Variants in MACROD2 observed in about 807,000 individuals in gnomAD.
MACROD2 encodes ADP-ribose glycohydrolase MACROD2.
MACROD2 carries 36 observed loss-of-function variants against 70.4 expected under a neutral mutation model. The observed-to-expected ratio is 0.51, with a 90% confidence interval of 0.39 to 0.68. MACROD2 has a LOEUF of 0.68. Ranked by LOEUF, MACROD2 falls within the 30% of genes least tolerant of loss-of-function variation. MACROD2 has a pLI of 0.00. For missense variants in MACROD2, 496 were observed against 538.4 expected (o/e 0.92, Z 0.78); for synonymous variants, 172 against 178.8 (o/e 0.96, Z 0.30).
chr20:15,047,874 T>G (rs1163031896), intron 5 of MACROD2, among the ~76,000 whole-genome samples: 2 of 152,202 alleles, frequency 1.3e-5, no homozygotes, highest in African/African-American at 4.8e-5. Context: ...ATCTTCACAG[T>G]GGCTATTCTG....
intron 3 of MACROD2, chr20:14,223,422 C>A: frequency 6.6e-6 from 1 of 152,066 alleles, no homozygotes; most frequent in Admixed American, 6.5e-5. Context: ...GAAGGCAAGG[C>A]TCTTATGCAA....
At chr20:15,904,150 G>A (rs1036876030) in intron 10 of MACROD2, among the ~76,000 whole-genome samples, 5 of 152,136 alleles carry the variant, frequency 3.3e-5, no homozygotes, top group Admixed American at 6.5e-5. Flanking sequence ...AGCGCACCCC[G>A]AGGCCAAAGT....
chr20:15,173,741 A>T (rs1208408211), intron 5 of MACROD2, among the ~76,000 whole-genome samples: 1 of 152,136 alleles, frequency 6.6e-6, no homozygotes, highest in Non-Finnish European at 1.5e-5. Flanking sequence ...TGCAGAACCA[A>T]TTTTTAGCAT....
At chr20:15,348,115 T>G (rs150816786) in intron 6 of MACROD2, among the ~76,000 whole-genome samples, 9 of 152,344 alleles carry the variant, frequency 5.9e-5, no homozygotes, top group Non-Finnish European at 1.0e-4. Flanking sequence ...ATGCAAGTGA[T>G]GGTTGCCACA....
chr20:14,709,327 G>A (rs2071309188), intron 5 of MACROD2, among the ~76,000 whole-genome samples: 1 of 151,936 alleles, frequency 6.6e-6, no homozygotes, highest in Non-Finnish European at 1.5e-5. Context: ...GACACCTAGA[G>A]GGGCACGAAG....
intron 5 of MACROD2, among the ~76,000 whole-genome samples, chr20:15,096,411 A>T (rs1023803899): frequency 7.0e-6 from 1 of 143,440 alleles, no homozygotes; most frequent in East Asian, 2.0e-4. Context: ...GGAGTCTGTA[A>T]TTATTTTAAA....
At chr20:15,336,141 T>C (rs1000553673) in intron 6 of MACROD2, among the ~76,000 whole-genome samples, 1 of 151,642 alleles carries the variant, frequency 6.6e-6, no homozygotes, top group East Asian at 1.9e-4. Context: ...TGGTTGAGCA[T>C]CGTGTTAGTA....
chr20:15,078,237 A>G (rs2075674862), intron 5 of MACROD2, among the ~76,000 whole-genome samples: 1 of 152,100 alleles, frequency 6.6e-6, no homozygotes, highest in African/African-American at 2.4e-5. Flanking sequence ...GCCCTGGAAG[A>G]TAATAGAAGC....
chr20:14,318,615 G>T (rs1033420847), intron 3 of MACROD2, among the ~76,000 whole-genome samples: 5 of 152,270 alleles, frequency 3.3e-5, no homozygotes, highest in African/African-American at 1.2e-4. Flanking sequence ...ATAGAGCAAG[G>T]TTAATGTGGT....
chr20:14,997,839 A>G (rs8118728), intron 5 of MACROD2, among the ~76,000 whole-genome samples: 5,496 of 152,208 alleles, frequency 0.036, 348 homozygotes, highest in African/African-American at 0.13. Context: ...AGTCCCAGTG[A>G]CGGCAGCTAT....
intron 4 of MACROD2, among the ~76,000 whole-genome samples, chr20:14,658,414 A>T (rs921720310): frequency 2.0e-5 from 3 of 152,060 alleles, no homozygotes; most frequent in African/African-American, 7.2e-5. Flanking sequence ...ATATTTCTTT[A>T]TTTTTCCTAA....
intron 4 of MACROD2, among the ~76,000 whole-genome samples, chr20:14,497,008 C>G (rs1219975990): frequency 1.3e-5 from 2 of 151,758 alleles, no homozygotes; most frequent in East Asian, 3.9e-4. Context: ...GCGTTCTTGA[C>G]TGCCACTCCA....
intron 10 of MACROD2, among the ~76,000 whole-genome samples, chr20:15,914,007 C>A (rs1247438420): frequency 1.3e-5 from 2 of 152,102 alleles, no homozygotes; most frequent in Non-Finnish European, 2.9e-5. Context: ...ATGGAGGGGG[C>A]AGTGAAATTG....
At chr20:14,796,747 C>T (rs1293618855) in intron 5 of MACROD2, among the ~76,000 whole-genome samples, 1 of 152,026 alleles carries the variant, frequency 6.6e-6, no homozygotes, top group East Asian at 1.9e-4. Flanking sequence ...GATATGTATA[C>T]ATAGCTTTAA....
intron 12 of MACROD2, among the ~76,000 whole-genome samples, chr20:15,957,801 A>C (rs1254032877): frequency 3.9e-5 from 6 of 152,096 alleles, no homozygotes; most frequent in Admixed American, 3.9e-4. Flanking sequence ...TCACCTACCA[A>C]CGAGGCTGGC....
intron 6 of MACROD2, among the ~76,000 whole-genome samples, chr20:15,368,967 A>G (rs544990217): frequency 1.3e-5 from 2 of 152,292 alleles, no homozygotes; most frequent in South Asian, 2.1e-4. Context: ...AATCTTTGTT[A>G]TTCTGCAATA....
chr20:14,305,603 A>C (rs190305213), intron 3 of MACROD2, among the ~76,000 whole-genome samples: 1 of 152,198 alleles, frequency 6.6e-6, no homozygotes, highest in Non-Finnish European at 1.5e-5. Context: ...ATGGCATACT[A>C]TTCAACAAAG....
intron 3 of MACROD2, among the ~76,000 whole-genome samples, chr20:14,273,666 G>C (rs2082220606): frequency 6.6e-6 from 1 of 151,454 alleles, no homozygotes; most frequent in Admixed American, 6.6e-5. Context: ...GAAGGAAATA[G>C]AGACACAAAA....
intron 8 of MACROD2, among the ~76,000 whole-genome samples, chr20:15,578,987 A>G (rs1458640666): frequency 6.6e-6 from 1 of 152,234 alleles, no homozygotes; most frequent in Non-Finnish European, 1.5e-5. Flanking sequence ...ATTAAATTTT[A>G]GGAAAATTGA....
Sources: gnomAD v4.1 joint callset for allele counts (sites outside exome capture counted in the v4.1 genomes callset) on GRCh38, gnomAD v4.1.1 for gene constraint, MANE v1.5 for transcripts, NCBI Gene and HGNC (gene_info 2026-07-23, HGNC 2026-07-21) for gene names.